ATRNL1: variants seen among roughly 807,000 people sequenced by gnomAD.
ATRNL1 encodes attractin-like protein 1.
ATRNL1 carries 95 observed loss-of-function variants against 182.7 expected under a neutral mutation model. The ratio of observed to expected loss-of-function variants is 0.52; its 90% CI spans 0.44 to 0.62. The LOEUF (loss-of-function observed/expected upper bound fraction) is 0.62, where lower values mean the gene tolerates loss of function less well. ATRNL1 is among the 20% of genes least tolerant of loss of function. The pLI is 0.00. For synonymous variants in ATRNL1, 576 were observed against 568.3 expected (o/e 1.01, Z -0.19); for missense variants, 1,471 against 1,679.5 (o/e 0.88, Z 2.17).
intron 19 of ATRNL1, among the ~76,000 whole-genome samples, chr10:115,363,489 G>C (rs1359031734): frequency 2.7e-5 from 4 of 146,162 alleles, no homozygotes; most frequent in African/African-American, 1.0e-4. Flanking sequence ...TCTGATGGTA[G>C]TTTCTTTTGC....
intron 3 of ATRNL1, among the ~76,000 whole-genome samples, chr10:115,126,636 G>A (rs536240121): frequency 2.6e-5 from 4 of 152,120 alleles, no homozygotes; most frequent in Admixed American, 6.6e-5. Context: ...ATTTGAGAAT[G>A]TATTTTCTAA....
chr10:115,682,508 T>G (rs181259072), intron 26 of ATRNL1, among the ~76,000 whole-genome samples: 12 of 152,190 alleles, frequency 7.9e-5, no homozygotes, highest in Admixed American at 2.6e-4. Flanking sequence ...ACCACTGCAC[T>G]CCACCTTGGG....
chr10:115,696,906 A>AGAGAGC (rs1946582406), intron 26 of ATRNL1, among the ~76,000 whole-genome samples: 1 of 147,022 alleles, frequency 6.8e-6, no homozygotes, highest in African/African-American at 2.5e-5. Flanking sequence ...AGAGCGAGCG[A>AGAGAGC]GCTAGGGGGG....
At position 115,185,648 on chromosome 10, in the gene ATRNL1, G is replaced by C. The variant is rs559814064; in HGVS notation, c.1348+14356G>C. On this transcript the variant is annotated intron_variant, in intron 8 of 28. Coordinates refer to ENST00000355044, the MANE Select transcript of ATRNL1 (RefSeq NM_207303.4). ...TTTGCAAAAGTCATAGTAAAAGTTG[G>C]GATGGGAAAGAATCATCAATGGATG... 3.9e-5 allele frequency among the ~76,000 whole-genome samples: 6 copies of C among 152,066 alleles called. No individual in the cohort carries two copies. In the South Asian group the frequency reaches 1.2e-3, roughly 31 times the overall value.
intron 26 of ATRNL1, among the ~76,000 whole-genome samples, chr10:115,633,459 A>G (rs11197360): frequency 1.3e-5 from 2 of 152,090 alleles, no homozygotes; most frequent in Admixed American, 1.3e-4. Flanking sequence ...CAAGTTTATT[A>G]TTTTCTTCTA....
chr10:115,691,458 A>G (rs187220673), intron 26 of ATRNL1, among the ~76,000 whole-genome samples: 246 of 152,316 alleles, frequency 1.6e-3, no homozygotes, highest in African/African-American at 5.5e-3. Context: ...GTGATGGCTC[A>G]CGCCTGTAAT....
chr10:115,425,224 C>T (rs782455851), intron 20 of ATRNL1, among the ~76,000 whole-genome samples: 39 of 151,584 alleles, frequency 2.6e-4, no homozygotes, highest in Non-Finnish European at 5.5e-4. Context: ...TTCCTCTGTT[C>T]TTATGAATGC....
At chr10:115,812,362 G>C (rs1256512659) in intron 27 of ATRNL1, among the ~76,000 whole-genome samples, 6 of 152,030 alleles carry the variant, frequency 3.9e-5, no homozygotes, top group African/African-American at 1.4e-4. Context: ...TATCCCTGTA[G>C]TCTCATACAT....
intron 8 of ATRNL1, among the ~76,000 whole-genome samples, chr10:115,201,423 G>T (rs1398183380): frequency 6.6e-6 from 1 of 152,052 alleles, no homozygotes; most frequent in African/African-American, 2.4e-5. Context: ...TGTAAGGAAG[G>T]GATCCAGTTT....
At chr10:115,119,753 G>GA (rs1844645693) in intron 1 of ATRNL1, among the ~76,000 whole-genome samples, 1 of 151,944 alleles carries the variant, frequency 6.6e-6, no homozygotes, top group Non-Finnish European at 1.5e-5. Context: ...AGTACATGAA[G>GA]AAAAAATATA....
intron 23 of ATRNL1, among the ~76,000 whole-genome samples, chr10:115,468,043 T>A (rs576708774): frequency 6.6e-6 from 1 of 150,888 alleles, no homozygotes; most frequent in Admixed American, 6.6e-5. Flanking sequence ...TATGGATACA[T>A]AGAATTCAAG....
chr10:115,528,305 G>A (rs1361686412), intron 25 of ATRNL1, among the ~76,000 whole-genome samples: 2 of 151,836 alleles, frequency 1.3e-5, no homozygotes, highest in Non-Finnish European at 2.9e-5. Context: ...TCTCCTTACT[G>A]GTTATAAATC....
chr10:115,529,793 G>A (rs989875837), intron 25 of ATRNL1, among the ~76,000 whole-genome samples: 1 of 151,990 alleles, frequency 6.6e-6, no homozygotes, highest in Non-Finnish European at 1.5e-5. Context: ...TTCACCAATT[G>A]AAAGTGCACA....
intron 23 of ATRNL1, 62 bp downstream of exon 23, chr10:115,467,314 A>G: frequency 1.7e-6 from 2 of 1,161,920 alleles, no homozygotes; most frequent in East Asian, 2.5e-5. Context: ...TTGTTCTAAC[A>G]TGATCTACTG....
intron 28 of ATRNL1, among the ~76,000 whole-genome samples, chr10:115,859,428 A>G (rs1326082870): frequency 6.6e-6 from 1 of 152,098 alleles, no homozygotes; most frequent in Non-Finnish European, 1.5e-5. Flanking sequence ...AAAGAAAATA[A>G]TATAATTCAC....
chr10:115,817,296 G>T (rs966085155), intron 27 of ATRNL1, among the ~76,000 whole-genome samples: 4 of 151,746 alleles, frequency 2.6e-5, no homozygotes, highest in Non-Finnish European at 5.9e-5. Context: ...AAATTTTTCG[G>T]AAAAAAATCA....
At chr10:115,737,374 T>C (rs557846440) in intron 27 of ATRNL1, among the ~76,000 whole-genome samples, 1 of 150,954 alleles carries the variant, frequency 6.6e-6, no homozygotes, top group South Asian at 2.1e-4. Context: ...AGTTCGAGGC[T>C]GCAGTGAGCC....
At chr10:115,335,303 G>T (rs978819791) in intron 19 of ATRNL1, among the ~76,000 whole-genome samples, 12 of 152,070 alleles carry the variant, frequency 7.9e-5, no homozygotes, top group Non-Finnish European at 1.5e-4. Context: ...TACGTTTTTG[G>T]CTGTGAAGAT....
intron 26 of ATRNL1, among the ~76,000 whole-genome samples, chr10:115,667,659 T>TTC (rs1861079388): frequency 6.6e-6 from 1 of 151,696 alleles, no homozygotes; most frequent in African/African-American, 2.4e-5. Context: ...CATCTTTTTT[T>TTC]TTTTTCCTCC....
Sources: gnomAD v4.1 joint callset for allele counts (sites outside exome capture counted in the v4.1 genomes callset) on GRCh38, gnomAD v4.1.1 for gene constraint, MANE v1.5 for transcripts, NCBI Gene and HGNC (gene_info 2026-07-23, HGNC 2026-07-21) for gene names.